SDK1: variants seen among roughly 807,000 people sequenced by gnomAD.
SDK1 encodes protein sidekick-1.
A neutral mutation model predicts 245.5 loss-of-function variants in SDK1; 157 were observed. That is an observed-to-expected ratio of 0.64 (90% CI 0.56 to 0.73). The LOEUF (loss-of-function observed/expected upper bound fraction) is 0.73. Ranked by LOEUF, SDK1 falls within the 30% of genes least tolerant of loss-of-function variation. The pLI is 0.00. For synonymous variants in SDK1, 1,647 were observed against 1,278.5 expected (o/e 1.29, Z -6.15); for missense variants, 3,583 against 3,002.3 (o/e 1.19, Z -4.52).
intron 42 of SDK1, among the ~76,000 whole-genome samples, chr7:4,239,937 C>T (rs532381089): frequency 1.3e-5 from 2 of 152,354 alleles, no homozygotes; most frequent in African/African-American, 4.8e-5. Flanking sequence ...CAAGTCCTAC[C>T]ATCCTTGTGC....
At chr7:3,431,782 A>G (rs1779854752) in intron 1 of SDK1, among the ~76,000 whole-genome samples, 1 of 152,200 alleles carries the variant, frequency 6.6e-6, no homozygotes, top group Admixed American at 6.5e-5. Context: ...CTTCATATGT[A>G]AAATGGGATC....
At chr7:4,230,069 A>AAGGAAGGG (rs1785653668) in intron 40 of SDK1, among the ~76,000 whole-genome samples, 1 of 134,184 alleles carries the variant, frequency 7.5e-6, no homozygotes, top group African/African-American at 2.9e-5. Flanking sequence ...GGAAGGAAGG[A>AAGGAAGGG]AGGAAGGAAG....
intron 1 of SDK1, among the ~76,000 whole-genome samples, chr7:3,328,674 A>G (rs1187367588): frequency 2.6e-5 from 4 of 152,016 alleles, no homozygotes; most frequent in African/African-American, 7.2e-5. Flanking sequence ...TCAAAAATTC[A>G]TACAAATAGG....
rs1451296236 is a variant in SDK1 at position 4,152,024 on chromosome 7, G to A, written c.4625+2561G>A. ...CAGTCAGTCTCCCCTTAGTAGCTGC[G>A]TGGCCTTGGAAAAGTCCAACCCTTG... On this transcript the variant is annotated intron_variant, in intron 30 of 44. Transcript: ENST00000404826. Among the ~76,000 whole-genome samples the A allele has an allele frequency of 3.3e-5, 5 of 152,172 alleles. 1 individual carries two copies. The highest frequency in any genetic ancestry group is 1.9e-4 in the East Asian group (1 of 5,192).
intron 35 of SDK1, among the ~76,000 whole-genome samples, chr7:4,190,921 C>T (rs899155697): frequency 9.2e-5 from 14 of 152,290 alleles, no homozygotes; most frequent in African/African-American, 3.4e-4. Flanking sequence ...CGGGGAGGCT[C>T]CTTGCCCACA....
chr7:3,720,178 C>T (rs1785326311), intron 4 of SDK1, among the ~76,000 whole-genome samples: 1 of 152,012 alleles, frequency 6.6e-6, no homozygotes, highest in Non-Finnish European at 1.5e-5. Context: ...ATTGCTTGAA[C>T]CAGAGAGGTG....
chr7:4,250,597 G>A lies in SDK1; in HGVS notation c.6381+4792G>A, dbSNP rs572067859. Reference sequence around the variant, plus strand: ...TGACCTCAAGTGATCCGCCCACCTCGGCCTCCCAAAATGCTGGGATTACAG... The same window carrying A: ...TGACCTCAAGTGATCCGCCCACCTCAGCCTCCCAAAATGCTGGGATTACAG... On this transcript the variant is annotated intron_variant, in intron 44 of 44. Coordinates refer to ENST00000404826, the MANE Select transcript of SDK1 (RefSeq NM_152744.4). 2.2e-4 allele frequency among the ~76,000 whole-genome samples: 34 copies of A among 152,050 alleles called. 1 individual carries two copies. Among genetic ancestry groups the A allele is most frequent in the Non-Finnish European group, 4.9e-4 (33 of 68,014 alleles).
chr7:4,015,885 G>A (rs73298949), intron 16 of SDK1, among the ~76,000 whole-genome samples: 15,479 of 152,174 alleles, frequency 0.1, 854 homozygotes, highest in South Asian at 0.15. Flanking sequence ...GTACATGGTC[G>A]GCGGCAAGAG....
intron 17 of SDK1, among the ~76,000 whole-genome samples, chr7:4,019,345 C>T (rs1786681287): frequency 6.6e-6 from 1 of 152,176 alleles, no homozygotes; most frequent in Non-Finnish European, 1.5e-5. Flanking sequence ...CTGCTGTTCT[C>T]TGAGTGACAT....
At chr7:4,208,873 C>T (rs1784375884) in intron 37 of SDK1, among the ~76,000 whole-genome samples, 1 of 152,242 alleles carries the variant, frequency 6.6e-6, no homozygotes, top group South Asian at 2.1e-4. Context: ...ACCCCTCTTC[C>T]AGCGCATCTC....
chr7:4,036,089 A>G (rs566002512), intron 17 of SDK1, among the ~76,000 whole-genome samples: 1 of 152,348 alleles, frequency 6.6e-6, no homozygotes, highest in Non-Finnish European at 1.5e-5. Flanking sequence ...ACTTCATTCA[A>G]GACTTTTAAT....
chr7:4,008,014 G>C (rs1464738610), intron 14 of SDK1, among the ~76,000 whole-genome samples: 1 of 152,076 alleles, frequency 6.6e-6, no homozygotes, highest in East Asian at 1.9e-4. Flanking sequence ...TCCTTCTCTA[G>C]AGCTCTTTTC....
intron 4 of SDK1, among the ~76,000 whole-genome samples, chr7:3,665,493 C>G (rs1183940509): frequency 6.6e-6 from 1 of 152,176 alleles, no homozygotes; most frequent in Non-Finnish European, 1.5e-5. Flanking sequence ...TTGTATACAA[C>G]ACACCATAGC....
intron 4 of SDK1, among the ~76,000 whole-genome samples, chr7:3,733,061 T>G (rs537146095): frequency 6.6e-6 from 1 of 152,330 alleles, no homozygotes; most frequent in South Asian, 2.1e-4. Context: ...CATTATTGCT[T>G]ATCACCAATT....
rs946874032 is a variant in SDK1, at chr7:3,338,433, C to A, written c.298+36549C>A. On this transcript the variant is annotated intron_variant, in intron 1 of 44. Coordinates refer to ENST00000404826, the MANE Select transcript of SDK1 (RefSeq NM_152744.4). The stretch of plus-strand genomic sequence containing the variant: ...TAAGCACTCTTAAGAGCCAAGATAG[C>A]TTCCTGAAACATGTGAAGGAAAATG... 4 of 523,264 alleles carry A rather than the reference C, an allele frequency of 7.6e-6. No individual in the cohort carries two copies. The Admixed American group carries it at 8.8e-5, about 11-fold the overall frequency. 32.4% of individuals were successfully genotyped at this position (523,264 alleles called of 1,614,324 possible). A position where few individuals can be genotyped will look rare whatever the true frequency, so the allele number is the denominator to read the frequency against.
chr7:4,104,130 A>G (rs1782756541), intron 22 of SDK1, among the ~76,000 whole-genome samples: 1 of 151,940 alleles, frequency 6.6e-6, no homozygotes, highest in Non-Finnish European at 1.5e-5. Flanking sequence ...CATAATCACC[A>G]CTCACTGCAG....
intron 1 of SDK1, among the ~76,000 whole-genome samples, chr7:3,385,428 TA>T (rs569945360): frequency 5.9e-5 from 9 of 152,168 alleles, no homozygotes; most frequent in East Asian, 1.9e-4. Context: ...GTAATGAACA[TA>T]AAAAAATATA....
intron 19 of SDK1, among the ~76,000 whole-genome samples, chr7:4,066,180 CCTCCTGCCCTTTT>C (rs1779885727): frequency 6.6e-6 from 1 of 152,176 alleles, no homozygotes; most frequent in Admixed American, 6.5e-5. Context: ...ACTACCCTTT[CCTCCTGCCCTTTT>C]CTCCTCCCTG....
chr7:4,154,061 C>T (rs770218360), intron 30 of SDK1, among the ~76,000 whole-genome samples: 1 of 152,164 alleles, frequency 6.6e-6, no homozygotes, highest in Non-Finnish European at 1.5e-5. Context: ...TAAAAAGATG[C>T]TCAGCACTCA....
Sources: allele counts gnomAD v4.1 joint callset (sites outside exome capture counted in the v4.1 genomes callset), GRCh38; gene constraint gnomAD v4.1.1; transcripts MANE v1.5; gene names NCBI Gene and HGNC (gene_info 2026-07-23, HGNC 2026-07-21).